The following FOXP1 variants were observed in gnomAD, a reference collection of about 807,000 sequenced individuals.
The protein encoded by FOXP1 is forkhead box protein P1.
Under a neutral mutation model 98.2 loss-of-function variants are expected in FOXP1, and 15 were observed. The ratio of observed to expected loss-of-function variants is 0.15; its 90% confidence interval spans 0.10 to 0.24. The LOEUF is 0.24. Among genes scored for constraint, FOXP1 ranks in the 10% least tolerant of loss-of-function variants. The probability of loss-of-function intolerance (pLI) is 1.00; values close to 1 mark genes in which losing one functional copy is unlikely to be tolerated. For synonymous variants in FOXP1, 371 were observed against 314.5 expected, an observed-to-expected ratio of 1.18 and a Z score of -1.90; for missense variants, 633 against 848.5, an observed-to-expected ratio of 0.75 and a Z score of 3.15.
chr3:71,155,145 C>A (rs2060759128), intron 6 of FOXP1, among the ~76,000 whole-genome samples: 1 of 152,038 alleles, frequency 6.6e-6, no homozygotes, highest in African/African-American at 2.4e-5. Flanking sequence ...TGTCTCAGTC[C>A]AAGGTTTGTC....
intron 5 of FOXP1, among the ~76,000 whole-genome samples, chr3:71,206,491 A>C (rs535806634): frequency 5.3e-5 from 8 of 152,198 alleles, no homozygotes; most frequent in Non-Finnish European, 7.4e-5. Context: ...TTTTCCCTGT[A>C]ATTCATGACT....
At chr3:71,294,411 G>A (rs994798888) in intron 5 of FOXP1, among the ~76,000 whole-genome samples, 3 of 152,068 alleles carry the variant, frequency 2.0e-5, no homozygotes, top group African/African-American at 4.8e-5. Flanking sequence ...CCTTGTTTTA[G>A]ACCACTTCTC....
intron 3 of FOXP1, among the ~76,000 whole-genome samples, chr3:71,387,510 G>A (rs1437392428): frequency 2.6e-5 from 4 of 152,094 alleles, no homozygotes; most frequent in African/African-American, 9.7e-5. Flanking sequence ...ATGTTTTAAT[G>A]AGCCATCATA....
intron 3 of FOXP1, among the ~76,000 whole-genome samples, chr3:71,423,124 C>T (rs1220460457): frequency 6.6e-6 from 1 of 152,200 alleles, no homozygotes; most frequent in Non-Finnish European, 1.5e-5. Context: ...TAGAACACCT[C>T]CAAGTCCCCA....
chr3:71,324,791 T>C (rs1231945963), intron 4 of FOXP1, among the ~76,000 whole-genome samples: 3 of 151,832 alleles, frequency 2.0e-5, no homozygotes, highest in African/African-American at 7.3e-5. Context: ...AATAAATAAA[T>C]ACATTAGTGT....
intron 5 of FOXP1, among the ~76,000 whole-genome samples, chr3:71,213,276 C>A (rs1193481845): frequency 6.6e-6 from 1 of 152,198 alleles, no homozygotes; most frequent in Non-Finnish European, 1.5e-5. Context: ...ACAACTAAGG[C>A]AAGCCCTTCA....
intron 5 of FOXP1, among the ~76,000 whole-genome samples, chr3:71,283,489 G>A (rs2071782161): frequency 6.6e-6 from 1 of 152,216 alleles, no homozygotes; most frequent in South Asian, 2.1e-4. Context: ...TTGGGCTGGA[G>A]AGGACAGGAC....
intron 18 of FOXP1, 85 bp from the exon 19 acceptor site, chr3:70,970,890 G>T: frequency 1.9e-6 from 2 of 1,064,352 alleles, no homozygotes; most frequent in Non-Finnish European, 2.9e-6. Flanking sequence ...GCTTGCTGGT[G>T]CCCTTCCAAA....
intron 4 of FOXP1, among the ~76,000 whole-genome samples, chr3:71,303,391 C>A (rs1300689261): frequency 6.6e-6 from 1 of 152,104 alleles, no homozygotes; most frequent in Non-Finnish European, 1.5e-5. Context: ...GGCTAGAGGA[C>A]ACTTTCTTAC....
intron 5 of FOXP1, among the ~76,000 whole-genome samples, chr3:71,293,998 C>A (rs973509762): frequency 2.6e-5 from 4 of 152,094 alleles, no homozygotes; most frequent in African/African-American, 7.2e-5. Flanking sequence ...AAACATTTTG[C>A]TAAGTGAAAG....
chr3:71,378,504 C>T (rs1408677644), intron 3 of FOXP1, among the ~76,000 whole-genome samples: 4 of 152,056 alleles, frequency 2.6e-5, no homozygotes, highest in African/African-American at 9.7e-5. Context: ...TGAGTCATTG[C>T]TTTGTCCAGG....
intron 4 of FOXP1, among the ~76,000 whole-genome samples, chr3:71,312,166 G>A (rs1285567719): frequency 6.6e-6 from 1 of 152,164 alleles, no homozygotes; most frequent in Non-Finnish European, 1.5e-5. Flanking sequence ...AAGGGTGTAC[G>A]CATATGCTGC....
At chr3:70,989,242 G>A (rs966864037) in intron 13 of FOXP1, among the ~76,000 whole-genome samples, 3 of 152,046 alleles carry the variant, frequency 2.0e-5, no homozygotes, top group African/African-American at 7.2e-5. Context: ...AAGGGAGAAG[G>A]GAAAAAGCTT....
At chr3:71,188,335 G>A (rs1169541314) in intron 6 of FOXP1, among the ~76,000 whole-genome samples, 1 of 152,096 alleles carries the variant, frequency 6.6e-6, no homozygotes, top group African/African-American at 2.4e-5. Context: ...GACCGAAGTT[G>A]AAGATGAGAC....
intron 2 of FOXP1, among the ~76,000 whole-genome samples, chr3:71,566,673 CTTA>C (rs1348341450): frequency 6.6e-6 from 1 of 152,064 alleles, no homozygotes; most frequent in African/African-American, 2.4e-5. Context: ...CCTTCCTTTC[CTTA>C]TTATGTACCA....
chr3:71,212,609 G>A (rs1427013984), intron 5 of FOXP1, among the ~76,000 whole-genome samples: 1 of 152,122 alleles, frequency 6.6e-6, no homozygotes, highest in South Asian at 2.1e-4. Flanking sequence ...AAGTCATGCC[G>A]CCTTTCCACA....
At chr3:71,506,039 T>C (rs943619964) in intron 2 of FOXP1, among the ~76,000 whole-genome samples, 4 of 152,170 alleles carry the variant, frequency 2.6e-5, no homozygotes, top group African/African-American at 9.7e-5. Flanking sequence ...AAGACAACAA[T>C]AAGAGCCTTG....
At chr3:71,581,068 T>C (rs1018231519) in intron 2 of FOXP1, 11 of 963,178 alleles carry the variant, frequency 1.1e-5, no homozygotes, top group Non-Finnish European at 1.4e-5. Context: ...GCTTGTGGGG[T>C]GGGGAGGTAG....
At chr3:71,268,108 T>TTTTTTG (rs2069907048) in intron 5 of FOXP1, among the ~76,000 whole-genome samples, 1 of 144,446 alleles carries the variant, frequency 6.9e-6, no homozygotes, top group African/African-American at 2.6e-5. Flanking sequence ...TTTTTTTTTT[T>TTTTTTG]GAGACAGAGT....
Sources: gnomAD v4.1 joint callset for allele counts (sites outside exome capture counted in the v4.1 genomes callset) on GRCh38, gnomAD v4.1.1 for gene constraint, MANE v1.5 for transcripts, NCBI Gene and HGNC (gene_info 2026-07-23, HGNC 2026-07-21) for gene names.